AEBP2: variants seen among roughly 807,000 people sequenced by gnomAD.
AEBP2 encodes the protein zinc finger protein AEBP2.
A neutral mutation model predicts 50.8 loss-of-function variants in AEBP2; 10 were observed. The observed-to-expected ratio is 0.20, with a 90% CI of 0.12 to 0.33. The LOEUF (loss-of-function observed/expected upper bound fraction) is 0.33, where lower values mean the gene tolerates loss of function less well. AEBP2 is among the 10% of genes least tolerant of loss of function. AEBP2 has a pLI of 1.00. For missense variants in AEBP2, 570 were observed against 688.0 expected, an observed-to-expected ratio of 0.83 and a Z score of 1.92; for synonymous variants, 296 against 261.3, an observed-to-expected ratio of 1.13 and a Z score of -1.28.
intron 3 of AEBP2, among the ~76,000 whole-genome samples, chr12:19,483,301 A>G (rs1032982755): frequency 5.9e-5 from 9 of 152,094 alleles, no homozygotes; most frequent in African/African-American, 1.7e-4. Flanking sequence ...ACGTTCCCTT[A>G]AATCTGTTTC....
At chr12:19,473,436 C>G in intron 3 of AEBP2, 81 bp downstream of exon 3, 1 of 547,510 alleles carries the variant, frequency 1.8e-6, no homozygotes, top group Non-Finnish European at 2.5e-6. Context: ...AGAAGAGTCT[C>G]ACTCTGTTGC....
At chr12:19,509,014 C>A in intron 5 of AEBP2, 12 of 535,688 alleles carry the variant, frequency 2.2e-5, no homozygotes, top group East Asian at 4.6e-5. Flanking sequence ...TTACTAAGAA[C>A]GTTGGGAAAG....
At chr12:19,473,156 A>C (rs1336928981) in intron 2 of AEBP2, 92 bp from the exon 3 acceptor site, 2 of 462,286 alleles carry the variant, frequency 4.3e-6, no homozygotes, top group Admixed American at 4.6e-5. Context: ...TGTCAGTTGA[A>C]GAGTTGTAAC....
intron 2 of AEBP2, among the ~76,000 whole-genome samples, chr12:19,467,045 T>C (rs1948489388): frequency 6.6e-6 from 1 of 152,192 alleles, no homozygotes; most frequent in African/African-American, 2.4e-5. Context: ...TAGATTTTCC[T>C]GGCCTGATTT....
At chr12:19,459,789 G>A (rs1948339986) in intron 1 of AEBP2, among the ~76,000 whole-genome samples, 1 of 152,082 alleles carries the variant, frequency 6.6e-6, no homozygotes, top group Non-Finnish European at 1.5e-5. Context: ...AGATAGATGA[G>A]CTTAAATACT....
intron 1 of AEBP2, chr12:19,413,096 C>T (rs1285613315): frequency 9.7e-6 from 6 of 619,780 alleles, no homozygotes; most frequent in African/African-American, 1.8e-5. Context: ...CAGCAGCAGC[C>T]GGGCCGAATT....
chr12:19,481,016 T>C (rs553938397), intron 3 of AEBP2, among the ~76,000 whole-genome samples: 1 of 152,028 alleles, frequency 6.6e-6, no homozygotes, highest in South Asian at 2.1e-4. Context: ...CTTTGTCTGA[T>C]TGGGTTATTT....
In AEBP2 at chr12:19,457,647, A is replaced by G. The variant is rs190971096; in HGVS notation, c.672-4863A>G. 91 of 1,371,744 alleles carry G rather than the reference A, an allele frequency of 6.6e-5. No individual in the cohort carries two copies. The East Asian group carries it at 1.8e-3, about 27-fold the overall frequency. 85.0% of individuals were successfully genotyped at this position (1,371,744 alleles called of 1,614,324 possible). ...GTGGATATGAGTCTTTTCCTTTCCC[A>G]TTTTGGCTTTTAGGGGTAGTTTTCA... On this transcript the variant is annotated intron_variant, in intron 1 of 7. Transcript: ENST00000266508.
intron 1 of AEBP2, among the ~76,000 whole-genome samples, chr12:19,415,333 AAAAAAAAAAAAAAAAAAATATAT>A (rs1373305606): frequency 7.3e-5 from 3 of 41,286 alleles, no homozygotes; most frequent in South Asian, 8.3e-4. Flanking sequence ...AAAAAAAAAA[AAAAAAAAAAAAAAAAAAATATAT>A]ATATATATAT....
chr12:19,485,849 A>G (rs923770384), intron 3 of AEBP2, among the ~76,000 whole-genome samples: 1 of 151,992 alleles, frequency 6.6e-6, no homozygotes, highest in African/African-American at 2.4e-5. Flanking sequence ...TTAGGGATCA[A>G]TTAAATTATA....
In AEBP2 at chr12:19,439,587, T is replaced by C. The variant is rs1031103235; in HGVS notation, c.-113T>C. 4 of 1,377,656 alleles carry C rather than the reference T, an allele frequency of 2.9e-6. No individual in the cohort carries two copies. The Admixed American group carries it at 9.5e-5, about 33-fold the overall frequency. The allele number at this position is 1,377,656 out of a possible 1,614,324, so 85.3% of individuals were successfully genotyped here. On this transcript the variant is annotated 5_prime_UTR_variant, in exon 1 of 8. Coordinates refer to ENST00000266508, the MANE Select transcript of AEBP2 (RefSeq NM_153207.5). ...CGCAGCTCGCGGGCCCTCCTCCTGC[T>C]CTGCAGCGGCGTCGGCGGAGTTTTG... is the stretch of plus-strand genomic sequence containing the variant.
At chr12:19,457,129 T>G in intron 1 of AEBP2, 1 of 1,598,980 alleles carries the variant, frequency 6.3e-7, no homozygotes, top group Non-Finnish European at 8.5e-7. Flanking sequence ...CTTAACAATT[T>G]CCTCATATCT....
chr12:19,458,434 C>T (rs945536889), intron 1 of AEBP2, among the ~76,000 whole-genome samples: 1 of 152,182 alleles, frequency 6.6e-6, no homozygotes, highest in Non-Finnish European at 1.5e-5. Context: ...TGCCTCTCAC[C>T]TTGTCTGCCA....
intron 3 of AEBP2, among the ~76,000 whole-genome samples, chr12:19,483,206 C>T (rs887411074): frequency 2.0e-5 from 3 of 152,202 alleles, no homozygotes; most frequent in Non-Finnish European, 4.4e-5. Context: ...GAGATATAGT[C>T]GGGGATGGCT....
rs975934602 is a variant in AEBP2, at chr12:19,521,262, A to G, written c.*3145A>G. 2.0e-5 allele frequency: 3 copies of G among 152,218 alleles called. No homozygotes were observed. The highest frequency in any genetic ancestry group is 6.5e-5 in the Admixed American group (1 of 15,286). 9.4% of individuals were successfully genotyped at this position (152,218 alleles called of 1,614,324 possible). A position where few individuals can be genotyped will look rare whatever the true frequency, so the allele number is the denominator to read the frequency against. On this transcript the variant is annotated 3_prime_UTR_variant, in exon 8 of 8. Transcript: ENST00000266508. ...GTTGATCTTGGTAATAAGCCAGTACATTAAATTTTAGTGAAAGCTGTTTCA... is the reference window on the plus strand; with the variant it reads ...GTTGATCTTGGTAATAAGCCAGTACGTTAAATTTTAGTGAAAGCTGTTTCA...
chr12:19,507,167 AAGTT>A (rs1404884741), intron 5 of AEBP2, among the ~76,000 whole-genome samples: 2 of 152,170 alleles, frequency 1.3e-5, no homozygotes, highest in Non-Finnish European at 2.9e-5. Flanking sequence ...AATAAAGAGA[AAGTT>A]AGCATAAGGA....
At chr12:19,503,147 G>A (rs532361845) in intron 5 of AEBP2, among the ~76,000 whole-genome samples, 1 of 152,238 alleles carries the variant, frequency 6.6e-6, no homozygotes, top group East Asian at 1.9e-4. Context: ...TAGCTTGATA[G>A]GAATAGCATT....
chr12:19,513,331 T>A (rs955817898), intron 6 of AEBP2, among the ~76,000 whole-genome samples: 1 of 149,170 alleles, frequency 6.7e-6, no homozygotes, highest in Non-Finnish European at 1.5e-5. Flanking sequence ...TATTTTTTTA[T>A]CTTTCTTATT....
At chr12:19,513,483 C>T (rs940159412) in intron 6 of AEBP2, among the ~76,000 whole-genome samples, 3 of 152,036 alleles carry the variant, frequency 2.0e-5, no homozygotes, top group Non-Finnish European at 2.9e-5. Flanking sequence ...AATGGCTGGG[C>T]GCAGTGGTTT....
Sources: allele counts gnomAD v4.1 joint callset (sites outside exome capture counted in the v4.1 genomes callset), GRCh38; gene constraint gnomAD v4.1.1; transcripts MANE v1.5; gene names NCBI Gene and HGNC (gene_info 2026-07-23, HGNC 2026-07-21).